FBXO34: variants seen among roughly 807,000 people sequenced by gnomAD.
The protein encoded by FBXO34 is F-box only protein 34.
FBXO34 carries 12 observed loss-of-function variants against 24.5 expected under a neutral mutation model. That is an observed-to-expected ratio of 0.49 (90% confidence interval 0.31 to 0.79). The LOEUF is 0.79. Among genes scored for constraint, FBXO34 ranks in the 30% least tolerant of loss-of-function variants. The pLI is 0.04. For synonymous variants in FBXO34, 320 were observed against 311.9 expected, an observed-to-expected ratio of 1.03 and a Z score of -0.27; for missense variants, 823 against 857.7, an observed-to-expected ratio of 0.96 and a Z score of 0.51.
At chr14:55,331,560 T>TATACAC (rs150276600) in intron 1 of FBXO34, among the ~76,000 whole-genome samples, 50 of 142,694 alleles carry the variant, frequency 3.5e-4, no homozygotes, top group African/African-American at 6.2e-4. Context: ...TATATATATA[T>TATACAC]ACACACACAC....
At chr14:55,361,219 G>A (rs1297117219) in intron 3 of FBXO34, among the ~76,000 whole-genome samples, 1 of 152,244 alleles carries the variant, frequency 6.6e-6, no homozygotes, top group Non-Finnish European at 1.5e-5. Context: ...CAGAATGGAT[G>A]TTGTTATCGT....
At chr14:55,426,645 A>G in the FBXO34 span, among the ~76,000 whole-genome samples, 1 of 151,990 alleles carries the variant, frequency 6.6e-6, no homozygotes, top group African/African-American at 2.4e-5. Flanking sequence ...GGAGAGGATG[A>G]GGGGGAGGCA....
At chr14:55,366,667 C>CT, downstream of FBXO34, 1 of 152,392 alleles carries the variant, frequency 6.6e-6, no homozygotes, top group East Asian at 1.9e-4. Context: ...CAAAAAATGT[C>CT]TTTAACAGAC....
At chr14:55,318,372 A>G (rs1594748366) in intron 1 of FBXO34, 1 of 22,126 alleles carries the variant, frequency 4.5e-5, no homozygotes, top group Non-Finnish European at 8.2e-5. Context: ...ATATATATAT[A>G]TATATATATA....
At chr14:55,370,268 T>G (rs1170608480), downstream of FBXO34, among the ~76,000 whole-genome samples, 1 of 152,196 alleles carries the variant, frequency 6.6e-6, no homozygotes, top group Non-Finnish European at 1.5e-5. Context: ...GTCTACGAAG[T>G]AAATACACGG....
chr14:55,437,361 C>T, the FBXO34 span, among the ~76,000 whole-genome samples: 2 of 152,316 alleles, frequency 1.3e-5, no homozygotes, highest in African/African-American at 4.8e-5. Context: ...GCCTGTAATC[C>T]CAGCTACTGG....
At chr14:55,436,044 G>A in the FBXO34 span, 28 of 608,880 alleles carry the variant, frequency 4.6e-5, no homozygotes, top group East Asian at 9.4e-4. Flanking sequence ...TTTCCTAGGG[G>A]GAGAATTATT....
At chr14:55,363,024 T>TC (rs1555340685), downstream of FBXO34, among the ~76,000 whole-genome samples, 625 of 54,694 alleles carry the variant, frequency 0.011, 4 homozygotes, top group African/African-American at 0.032. Flanking sequence ...TCTCTCTCTC[T>TC]TTTTTTTTTT....
chr14:55,407,990 C>G, the FBXO34 span, among the ~76,000 whole-genome samples: 1 of 152,132 alleles, frequency 6.6e-6, no homozygotes, highest in Non-Finnish European at 1.5e-5. Flanking sequence ...AGGCCTACAA[C>G]TGTGGAGCAG....
At chr14:55,290,129 C>T (rs1469396040) in intron 1 of FBXO34, among the ~76,000 whole-genome samples, 5 of 151,990 alleles carry the variant, frequency 3.3e-5, no homozygotes, top group Non-Finnish European at 7.4e-5. Context: ...TGGTGGCTCA[C>T]GCCTGTAATC....
At chr14:55,376,543 G>C in the FBXO34 span, among the ~76,000 whole-genome samples, 1 of 152,128 alleles carries the variant, frequency 6.6e-6, no homozygotes, top group African/African-American at 2.4e-5. Context: ...CTATGTCCTG[G>C]AAATGTTAAC....
At chr14:55,298,697 G>A in intron 1 of FBXO34, 3 of 1,565,224 alleles carry the variant, frequency 1.9e-6, no homozygotes, top group Non-Finnish European at 2.6e-6. Flanking sequence ...CCCTCCAGGA[G>A]GCCATCCAGC....
the FBXO34 span, among the ~76,000 whole-genome samples, chr14:55,379,924 G>A: frequency 6.6e-6 from 1 of 152,086 alleles, no homozygotes; most frequent in African/African-American, 2.4e-5. Flanking sequence ...AACCATGTGA[G>A]TTTTTTATTA....
chr14:55,398,192 C>T, the FBXO34 span, among the ~76,000 whole-genome samples: 3,901 of 152,138 alleles, frequency 0.026, 149 homozygotes, highest in African/African-American at 0.088. Flanking sequence ...ACCTGGTGGT[C>T]TGCCCGCCTC....
In FBXO34 at chr14:55,352,530, C is replaced by T; in HGVS notation, c.*4C>T. On this transcript the variant is annotated 3_prime_UTR_variant, in exon 2 of 2. Coordinates refer to ENST00000313833, the MANE Select transcript of FBXO34 (RefSeq NM_017943.4). Reference sequence around the variant, plus strand: ...TGAAGCTGAAGAGGAATACTAAAGTCCATGTGAGAGGCAACAAAAGGACCG... The same window carrying T: ...TGAAGCTGAAGAGGAATACTAAAGTTCATGTGAGAGGCAACAAAAGGACCG... 6.3e-7 allele frequency: 1 copy of T among 1,585,986 alleles called. No individual in the cohort carries two copies. The highest frequency in any genetic ancestry group is 8.6e-7 in the Non-Finnish European group (1 of 1,167,314).
chr14:55,370,986 C>T (rs1247318530), downstream of FBXO34, among the ~76,000 whole-genome samples: 1 of 152,112 alleles, frequency 6.6e-6, no homozygotes, highest in African/African-American at 2.4e-5. Flanking sequence ...CCCCTCAGCT[C>T]CTGCTCCAGG....
At chr14:55,341,254 G>C (rs74550269) in intron 1 of FBXO34, among the ~76,000 whole-genome samples, 8,858 of 152,228 alleles carry the variant, frequency 0.058, 327 homozygotes, top group South Asian at 0.09. Flanking sequence ...GACAAGCCAG[G>C]GTGATCAGAC....
the FBXO34 span, among the ~76,000 whole-genome samples, chr14:55,407,171 C>T: frequency 6.6e-6 from 1 of 152,134 alleles, no homozygotes; most frequent in African/African-American, 2.4e-5. Context: ...GCTCTCTCGC[C>T]AGGCTGGAGT....
chr14:55,395,936 T>G, the FBXO34 span: 1 of 1,587,636 alleles, frequency 6.3e-7, no homozygotes, highest in Non-Finnish European at 8.6e-7. Flanking sequence ...GTATTACAAC[T>G]TACCAACTGA....
Sources: allele counts gnomAD v4.1 joint callset (sites outside exome capture counted in the v4.1 genomes callset), GRCh38; gene constraint gnomAD v4.1.1; transcripts MANE v1.5; gene names NCBI Gene and HGNC (gene_info 2026-07-23, HGNC 2026-07-21).